The following ANK3 variants were observed in gnomAD, a reference collection of about 807,000 sequenced individuals.
ANK3 encodes the protein ankyrin-3.
Under a neutral mutation model 370.9 loss-of-function variants are expected in ANK3, and 57 were observed. The observed-to-expected ratio is 0.15, with a 90% CI of 0.12 to 0.19. ANK3 has a LOEUF of 0.19. Ranked by LOEUF, ANK3 falls within the 10% of genes least tolerant of loss-of-function variation. The pLI is 1.00. For missense variants in ANK3, 4,439 were observed against 5,302.1 expected (o/e 0.84, Z 5.06); for synonymous variants, 1,929 against 1,946.3 (o/e 0.99, Z 0.23).
chr10:60,186,825 C>A lies in ANK3; in HGVS notation c.1975G>T (p.Ala659Ser), dbSNP rs753858007. ...GAAGCAATTCCTTGCCGGGTAACTG[C>A]GTTGGCATCAGCACCATATTCCAGC... ...TLLEYGADAN[A>S]VTRQGIASVH... Residue 659 changes from alanine (A) to serine (S), a missense_variant, in exon 17 of 44, where the codon GCA becomes TCA. Transcript: ENST00000280772. 1 of 1,614,170 alleles carries A rather than the reference C, an allele frequency of 6.2e-7. No individual in the cohort carries two copies. The highest frequency in any genetic ancestry group is 8.5e-7 in the Non-Finnish European group (1 of 1,180,030).
intron 7 of ANK3, among the ~76,000 whole-genome samples, chr10:60,240,164 A>G (rs1364662486): frequency 7.2e-6 from 1 of 139,512 alleles, no homozygotes; most frequent in African/African-American, 2.8e-5. Flanking sequence ...ACATATATAC[A>G]CATATATATA....
At chr10:60,185,473 AAATGACACAGGAAG>A (rs940603822) in intron 17 of ANK3, among the ~76,000 whole-genome samples, 6 of 152,256 alleles carry the variant, frequency 3.9e-5, no homozygotes, top group African/African-American at 1.2e-4. Context: ...TAACTTGCCT[AAATGACACAGGAAG>A]AATCCAACTT....
rs1257847477 is a variant in ANK3, at chr10:60,677,795, AAAAAG to A, written c.57+55463_57+55467del. On this transcript the variant is annotated intron_variant, in intron 1 of 43. Transcript: ENST00000373827. ...CTTTCTCAACTACCCAAAAAAAAAA[AAAAAG>A]AAAAGAAAAGAAAAGAAAAAGAAAG... is the stretch of plus-strand genomic sequence containing the variant. Among the ~76,000 whole-genome samples, 481 of 151,492 alleles carry A rather than the reference AAAAAG, an allele frequency of 3.2e-3. 3 individuals carry two copies. Among genetic ancestry groups the A allele is most frequent in the African/African-American group, 7.7e-3 (318 of 41,374 alleles).
Position 60,257,712 on chromosome 10 carries a change from G to C in ANK3, c.798+4147C>G, listed in dbSNP as rs148963805. On this transcript the variant is annotated intron_variant, in intron 7 of 43. Coordinates refer to ENST00000280772, the MANE Select transcript of ANK3 (RefSeq NM_020987.5). ...TTTACTGGCTCATTCCTGCTGCTTG[G>C]TAACATTTACTTTTTTGGTTCCGCC... Among the ~76,000 whole-genome samples the C allele has an allele frequency of 2.0e-5, 3 of 151,906 alleles. No homozygotes were observed. In the East Asian group the frequency reaches 5.8e-4, roughly 29 times the overall value.
rs756828338 is a variant in ANK3, at chr10:60,059,358, A to G, written c.12668T>C (p.Leu4223Pro). The G allele has an allele frequency of 1.7e-5, 28 of 1,613,982 alleles. No homozygotes were observed. The highest frequency in any genetic ancestry group is 2.4e-5 in the Non-Finnish European group (28 of 1,179,994). ...AQARRVTGGLLDRLDDSPDQC... is the reference protein window; with the variant it reads ...AQARRVTGGLPDRLDDSPDQC... Reference sequence around the variant, plus strand: ...GCCATACCTGTCATCCAGTCGATCTAGTAACCCACCAGTTACTCTTCGAGC... The same window carrying G: ...GCCATACCTGTCATCCAGTCGATCTGGTAACCCACCAGTTACTCTTCGAGC... Residue 4223 changes from leucine to proline, a missense_variant, in exon 41 of 44, where the codon CTA (leucine) becomes CCA (proline). Leu to Pro is a moderately conservative substitution (Grantham distance 98, BLOSUM62 -3). Coordinates refer to ENST00000280772, the MANE Select transcript of ANK3 (RefSeq NM_020987.5).
intron 43 of ANK3, among the ~76,000 whole-genome samples, chr10:60,040,282 T>A (rs1267721382): frequency 6.6e-6 from 1 of 152,086 alleles, no homozygotes; most frequent in Non-Finnish European, 1.5e-5. Context: ...TTCTACTTGC[T>A]TAGTTTTCTT....
At chr10:60,102,089 T>C (rs892224672) in intron 28 of ANK3, among the ~76,000 whole-genome samples, 1 of 151,308 alleles carries the variant, frequency 6.6e-6, no homozygotes, top group African/African-American at 2.4e-5. Flanking sequence ...CCAGGGCTTT[T>C]ACTAGCTGAT....
At chr10:60,648,806 T>G (rs1040376867) in intron 1 of ANK3, among the ~76,000 whole-genome samples, 1 of 147,866 alleles carries the variant, frequency 6.8e-6, no homozygotes, top group Non-Finnish European at 1.5e-5. Context: ...GAGTAGATAC[T>G]GCTTCTGCTC....
rs1347768398 is a variant in ANK3 at position 60,389,587 on chromosome 10, G to C, written c.-49C>G. ...AAGCACACACGGCTTCCTTGTAAAA[G>C]GTGATATCCTCAGGCACCTCTAATC... On this transcript the variant is annotated 5_prime_UTR_variant, in exon 1 of 44. Coordinates refer to ENST00000280772, the MANE Select transcript of ANK3 (RefSeq NM_020987.5). The C allele has an allele frequency of 6.2e-7, 1 of 1,605,856 alleles. No homozygotes were observed. The highest frequency in any genetic ancestry group is 1.7e-5 in the Admixed American group (1 of 58,310).
chr10:60,293,915 A>G (rs185399363), intron 1 of ANK3, among the ~76,000 whole-genome samples: 2 of 152,340 alleles, frequency 1.3e-5, no homozygotes, highest in Admixed American at 1.3e-4. Flanking sequence ...TAGATTATAT[A>G]AAACATGACA....
rs1565511484 is a variant in ANK3, at chr10:60,181,339, G to T, written c.2174C>A (p.Ala725Asp). The change falls in exon 18 of 44, where the codon GCC becomes GAC. Residue 725 changes from alanine (A) to aspartate (D), a missense_variant. Transcript: ENST00000280772. ...VLVNQGAHVD[A>D]QTKMGYTPLH... The stretch of plus-strand genomic sequence containing the variant: ...GGGAGGGCCGTATACCTTTGTCTGG[G>T]CGTCCACATGAGCCCCTTGGTTTAC... 1.9e-6 allele frequency: 3 copies of T among 1,614,110 alleles called. No homozygotes were observed. Among genetic ancestry groups the T allele is most frequent in the East Asian group, 2.2e-5 (1 of 44,888 alleles).
intron 2 of ANK3, among the ~76,000 whole-genome samples, chr10:60,416,212 T>C (rs2063665737): frequency 6.6e-6 from 1 of 152,182 alleles, no homozygotes; most frequent in South Asian, 2.1e-4. Context: ...AATAGATTTC[T>C]GTTATTTATG....
rs529848685 is a variant in ANK3, at chr10:60,531,146, A to G, written c.96+84040T>C. 2.0e-5 allele frequency among the ~76,000 whole-genome samples: 3 copies of G among 152,200 alleles called. No individual in the cohort carries two copies. In the South Asian group the frequency reaches 6.2e-4, roughly 32 times the overall value. On this transcript the variant is annotated intron_variant, in intron 2 of 43. Coordinates refer to the ANK3 transcript ENST00000373827. ...TTTGGACTTTGGGTGGCTGCTTGTT[A>G]TTTGTGGACTCCATGACTGGCAACT...
chr10:60,298,396 T>C (rs1348341311), intron 1 of ANK3, among the ~76,000 whole-genome samples: 1 of 152,162 alleles, frequency 6.6e-6, no homozygotes, highest in Non-Finnish European at 1.5e-5. Context: ...ATTTTGTCCA[T>C]AGTTCAGCTC....
At chr10:60,167,574 G>GA (rs1293343538) in intron 21 of ANK3, among the ~76,000 whole-genome samples, 1 of 151,908 alleles carries the variant, frequency 6.6e-6, no homozygotes, top group Admixed American at 6.5e-5. Flanking sequence ...TCACTGGTAA[G>GA]AAAATCTTAG....
chr10:60,654,526 C>T (rs1156689861), intron 1 of ANK3, among the ~76,000 whole-genome samples: 1 of 152,092 alleles, frequency 6.6e-6, no homozygotes, highest in Admixed American at 6.6e-5. Context: ...TGATATCATA[C>T]TATTTTCTTC....
chr10:60,473,012 T>C (rs527345927), intron 2 of ANK3, among the ~76,000 whole-genome samples: 3 of 152,334 alleles, frequency 2.0e-5, no homozygotes, highest in Non-Finnish European at 4.4e-5. Flanking sequence ...GTAGGAATTA[T>C]TTCATGCATA....
chr10:60,107,423 G>C (rs2092303532), intron 27 of ANK3, among the ~76,000 whole-genome samples: 1 of 152,176 alleles, frequency 6.6e-6, no homozygotes, highest in Admixed American at 6.5e-5. Context: ...ATATTGGAGA[G>C]AAGGTATGAA....
chr10:60,278,894 A>G (rs2132703659), intron 3 of ANK3, 22 bp from the exon 4 acceptor site: 1 of 1,606,194 alleles, frequency 6.2e-7, no homozygotes. Flanking sequence ...AAGTCAAGAT[A>G]TATCAACTCA....
Sources: allele counts gnomAD v4.1 joint callset (sites outside exome capture counted in the v4.1 genomes callset), GRCh38; gene constraint gnomAD v4.1.1; transcripts MANE v1.5; gene names NCBI Gene and HGNC (gene_info 2026-07-23, HGNC 2026-07-21).